Variants in DCDC2C observed in about 807,000 individuals in gnomAD.
DCDC2C encodes doublecortin domain containing 2C, also known as doublecortin domain-containing protein 2C.
DCDC2C carries 44 observed loss-of-function variants against 45.0 expected under a neutral mutation model. The observed-to-expected ratio is 0.98, with a 90% CI of 0.77 to 1.26. The LOEUF is 1.26. DCDC2C is among the 50% of genes most tolerant of loss of function. DCDC2C has a pLI of 0.00. For synonymous variants in DCDC2C, 187 were observed against 178.8 expected, an observed-to-expected ratio of 1.05 and a Z score of -0.37; for missense variants, 447 against 468.9, an observed-to-expected ratio of 0.95 and a Z score of 0.43.
At chr2:3,726,206 G>A (rs1668681278) in intron 2 of DCDC2C, among the ~76,000 whole-genome samples, 1 of 152,066 alleles carries the variant, frequency 6.6e-6, no homozygotes, top group Non-Finnish European at 1.5e-5. Flanking sequence ...CAGGGGAGCA[G>A]CTCTTCAGAG....
chr2:3,704,283 C>T (rs1220771107), intron 1 of DCDC2C: 9 of 370,632 alleles, frequency 2.4e-5, no homozygotes, highest in Non-Finnish European at 4.3e-5. Flanking sequence ...GGGCCCTGGC[C>T]GGCAGCGATT....
chr2:3,751,841 A>G (rs911310808), intron 4 of DCDC2C, among the ~76,000 whole-genome samples: 5 of 152,168 alleles, frequency 3.3e-5, no homozygotes, highest in Admixed American at 3.3e-4. Context: ...GCTAAAACAT[A>G]GCCCTTATCC....
At chr2:3,739,590 A>T (rs1353454977) in intron 3 of DCDC2C, among the ~76,000 whole-genome samples, 1 of 152,228 alleles carries the variant, frequency 6.6e-6, no homozygotes, top group South Asian at 2.1e-4. Flanking sequence ...TGGCTGGGGC[A>T]GTTAGAGGAG....
At chr2:3,779,219 G>A (rs1670441132) in intron 9 of DCDC2C, among the ~76,000 whole-genome samples, 1 of 152,260 alleles carries the variant, frequency 6.6e-6, no homozygotes, top group Non-Finnish European at 1.5e-5. Context: ...GAAGGCAGCA[G>A]GTGTGCAGGT....
intron 10 of DCDC2C, among the ~76,000 whole-genome samples, chr2:3,825,028 C>G (rs1398239041): frequency 6.6e-6 from 1 of 152,172 alleles, no homozygotes; most frequent in Non-Finnish European, 1.5e-5. Flanking sequence ...GTTTTGCTGT[C>G]TTCCTCTCAG....
intron 10 of DCDC2C, among the ~76,000 whole-genome samples, chr2:3,836,429 A>T (rs1458482362): frequency 6.6e-6 from 1 of 152,200 alleles, no homozygotes; most frequent in African/African-American, 2.4e-5. Flanking sequence ...GGCAGCAAAC[A>T]CACGTTAGTT....
chr2:3,787,384 G>A (rs1484984589), intron 10 of DCDC2C, among the ~76,000 whole-genome samples: 2 of 152,180 alleles, frequency 1.3e-5, no homozygotes, highest in African/African-American at 4.8e-5. Context: ...AAGATTAGAA[G>A]TATTTAAAAG....
chr2:3,789,712 C>T (rs771776473), intron 10 of DCDC2C, among the ~76,000 whole-genome samples: 6 of 152,232 alleles, frequency 3.9e-5, no homozygotes, highest in Non-Finnish European at 7.4e-5. Context: ...CTTTCCTGTC[C>T]AGGGGTACTG....
chr2:3,766,347 T>C (rs1168729812), intron 6 of DCDC2C, among the ~76,000 whole-genome samples: 2 of 151,784 alleles, frequency 1.3e-5, no homozygotes, highest in Non-Finnish European at 2.9e-5. Context: ...GTCTTTATCT[T>C]AGAGGCCAAA....
In DCDC2C at chr2:3,704,017, G is replaced by A; in HGVS notation, c.266G>A (p.Arg89His). ...QAGGKYVAAGRERFKELDYIH... is the reference protein window; with the variant it reads ...QAGGKYVAAGHERFKELDYIH... Reference sequence around the variant, plus strand: ...GGCGGCAAGTACGTGGCGGCGGGCCGCGAGCGCTTCAAGGAGCTCGAGTAA... The same window carrying A: ...GGCGGCAAGTACGTGGCGGCGGGCCACGAGCGCTTCAAGGAGCTCGAGTAA... Residue 89 changes from arginine to histidine, a missense_variant, in exon 1 of 11, where the codon CGC (arginine) becomes CAC (histidine). Transcript: ENST00000399143. 1.6e-6 allele frequency: 2 copies of A among 1,280,324 alleles called. No individual in the cohort carries two copies. Among genetic ancestry groups the A allele is most frequent in the Non-Finnish European group, 9.9e-7 (1 of 1,012,902 alleles). 79.3% of individuals were successfully genotyped at this position (1,280,324 alleles called of 1,614,324 possible).
chr2:3,746,301 G>A (rs867814373), intron 4 of DCDC2C, among the ~76,000 whole-genome samples: 2 of 152,228 alleles, frequency 1.3e-5, no homozygotes, highest in South Asian at 4.1e-4. Context: ...GCTGGGGCAG[G>A]AGGGCACCTT....
At chr2:3,774,766 T>C (rs1186809076) in intron 8 of DCDC2C, among the ~76,000 whole-genome samples, 1 of 145,800 alleles carries the variant, frequency 6.9e-6, no homozygotes, top group Non-Finnish European at 1.5e-5. Context: ...ATTTTGAATT[T>C]TTGATTTTTT....
intron 10 of DCDC2C, among the ~76,000 whole-genome samples, chr2:3,811,370 G>C (rs1473907741): frequency 6.6e-6 from 1 of 152,114 alleles, no homozygotes; most frequent in Non-Finnish European, 1.5e-5. Context: ...TTTATGGTTT[G>C]GCTGTCTGCT....
At chr2:3,744,998 C>T (rs971839180) in intron 4 of DCDC2C, among the ~76,000 whole-genome samples, 1 of 151,576 alleles carries the variant, frequency 6.6e-6, no homozygotes, top group Non-Finnish European at 1.5e-5. Context: ...TATTTATTTA[C>T]TTATTTATTT....
At position 3,823,024 on chromosome 2, in the gene DCDC2C, A is replaced by G. The variant is rs563695514; in HGVS notation, c.1066-24130A>G. ...GCCTTCCACCATGATTGTGAGGCTT[A>G]CCCAGGCACATGGAACTGTAAGTCT... On this transcript the variant is annotated intron_variant, in intron 10 of 10. Coordinates refer to ENST00000399143, the MANE Select transcript of DCDC2C (RefSeq NM_001287444.2). 2.4e-4 allele frequency among the ~76,000 whole-genome samples: 36 copies of G among 152,276 alleles called. No homozygotes were observed. The South Asian group carries it at 7.5e-3, about 32-fold the overall frequency.
chr2:3,752,542 A>G, intron 4 of DCDC2C: 1 of 636,278 alleles, frequency 1.6e-6, no homozygotes. Context: ...AATTAAAAAT[A>G]CACTTTAATT....
chr2:3,782,187 G>A (rs1020291123), intron 9 of DCDC2C, among the ~76,000 whole-genome samples: 5 of 152,044 alleles, frequency 3.3e-5, no homozygotes, highest in South Asian at 2.1e-4. Context: ...AAACAATCCC[G>A]GCCTGAAGGA....
intron 10 of DCDC2C, among the ~76,000 whole-genome samples, chr2:3,825,645 G>A (rs539437662): frequency 6.6e-6 from 1 of 152,242 alleles, no homozygotes; most frequent in South Asian, 2.1e-4. Context: ...TGTGGTCATG[G>A]CACTGCCCTG....
intron 3 of DCDC2C, among the ~76,000 whole-genome samples, chr2:3,733,851 G>A (rs1668944359): frequency 6.6e-6 from 1 of 152,202 alleles, no homozygotes; most frequent in Non-Finnish European, 1.5e-5. Context: ...AGCAGAGGTT[G>A]AATCATCCCA....
Sources: gnomAD v4.1 joint callset for allele counts (sites outside exome capture counted in the v4.1 genomes callset) on GRCh38, gnomAD v4.1.1 for gene constraint, MANE v1.5 for transcripts, NCBI Gene and HGNC (gene_info 2026-07-23, HGNC 2026-07-21) for gene names.